The following PHF14 variants were observed in gnomAD, a reference collection of about 807,000 sequenced individuals.
PHF14 encodes the protein PHD finger protein 14.
In PHF14, 55 loss-of-function variants were observed where a neutral mutation model predicts 117.9. The ratio of observed to expected loss-of-function variants is 0.47; its 90% CI spans 0.38 to 0.58. PHF14 has a LOEUF of 0.58. Among genes scored for constraint, PHF14 ranks in the 20% least tolerant of loss-of-function variants. PHF14 has a pLI of 0.00. For missense variants in PHF14, 978 were observed against 1,122.2 expected, an observed-to-expected ratio of 0.87 and a Z score of 1.84; for synonymous variants, 409 against 368.6, an observed-to-expected ratio of 1.11 and a Z score of -1.26.
At chr7:11,050,657 A>ATATG (rs1185166117) in intron 13 of PHF14, among the ~76,000 whole-genome samples, 6 of 152,182 alleles carry the variant, frequency 3.9e-5, no homozygotes, top group Non-Finnish European at 7.4e-5. Context: ...GACAGCACAG[A>ATATG]TATGTAGATA....
intron 16 of PHF14, chr7:11,106,515 C>T (rs1020596842): frequency 1.7e-5 from 16 of 954,564 alleles, no homozygotes; most frequent in South Asian, 4.8e-5. Flanking sequence ...AATGTTATTC[C>T]GTATTGGTAG....
intron 16 of PHF14, among the ~76,000 whole-genome samples, chr7:11,099,219 C>A (rs1049496823): frequency 6.6e-6 from 1 of 152,052 alleles, no homozygotes; most frequent in East Asian, 1.9e-4. Context: ...GAATGGCTAA[C>A]CTGTCTAACA....
intron 16 of PHF14, among the ~76,000 whole-genome samples, chr7:11,070,086 T>C (rs1785563070): frequency 6.6e-6 from 1 of 152,224 alleles, no homozygotes; most frequent in African/African-American, 2.4e-5. Flanking sequence ...CTTCCTTTCA[T>C]CTTGTGTCAT....
At chr7:11,090,749 T>C (rs1405357226) in intron 16 of PHF14, among the ~76,000 whole-genome samples, 1 of 152,240 alleles carries the variant, frequency 6.6e-6, no homozygotes, top group Non-Finnish European at 1.5e-5. Context: ...CACTTATTTA[T>C]ACATTAGATT....
chr7:11,034,649 A>G (rs1784251719), intron 7 of PHF14, among the ~76,000 whole-genome samples: 2 of 143,820 alleles, frequency 1.4e-5, no homozygotes, highest in Non-Finnish European at 3.0e-5. Context: ...CCTGTATTCA[A>G]GCAATTCTCC....
chr7:11,141,190 T>C (rs1421177926), intron 17 of PHF14, among the ~76,000 whole-genome samples: 1 of 152,136 alleles, frequency 6.6e-6, no homozygotes, highest in African/African-American at 2.4e-5. Flanking sequence ...GTATTTCTCA[T>C]TCATTTAGCA....
chr7:11,050,341 A>G (rs1029555045), intron 13 of PHF14, among the ~76,000 whole-genome samples: 1 of 152,212 alleles, frequency 6.6e-6, no homozygotes, highest in Non-Finnish European at 1.5e-5. Context: ...AATCATTTTT[A>G]TTAAGAGAAT....
chr7:10,983,007 G>A lies in PHF14; in HGVS notation c.748G>A (p.Glu250Lys), dbSNP rs1446533773. 8 of 1,583,238 alleles carry A rather than the reference G, an allele frequency of 5.1e-6. No individual in the cohort carries two copies. Residue 250 changes from glutamate (E) to lysine (K), a missense_variant, in exon 3 of 18, where the codon GAG becomes AAG. By Grantham distance (56) the Glu-to-Lys change is moderately conservative. This residue lies in a region of PHF14 where 414 missense variants were observed against 376.4 expected (regional missense o/e 1.10). Coordinates refer to ENST00000634607, the MANE Select transcript of PHF14 (RefSeq NM_001007157.2). ...EDEGSGSDED[E>K]NDEGNDEDHS... The stretch of plus-strand genomic sequence containing the variant: ...TGAGGGAAGCGGGAGTGATGAAGAC[G>A]AGAATGATGAAGGCAATGATGAAGA...
chr7:11,079,176 C>G (rs1040362357), intron 16 of PHF14, among the ~76,000 whole-genome samples: 15 of 152,128 alleles, frequency 9.9e-5, no homozygotes, highest in Non-Finnish European at 2.9e-5. Flanking sequence ...TGTGCCCTTT[C>G]AAAAGGAGCT....
At chr7:11,010,598 A>G (rs1458396478) in intron 4 of PHF14, among the ~76,000 whole-genome samples, 2 of 152,182 alleles carry the variant, frequency 1.3e-5, no homozygotes, top group South Asian at 2.1e-4. Flanking sequence ...TATATTTAGC[A>G]TAACTATTAA....
intron 16 of PHF14, among the ~76,000 whole-genome samples, chr7:11,089,628 T>C (rs1361827096): frequency 1.3e-5 from 2 of 152,198 alleles, no homozygotes; most frequent in Admixed American, 6.5e-5. Flanking sequence ...ATTCTTCAAA[T>C]ACTCAGGCAA....
At position 10,990,827 on chromosome 7, in the gene PHF14, G is replaced by T; in HGVS notation, c.1025G>T (p.Cys342Phe). Residue 342 changes from cysteine to phenylalanine, a missense_variant, in exon 4 of 18, where the codon TGT becomes TTT. Around this residue, in one of 7 missense-constraint regions of PHF14, gnomAD observed 86 missense variants for 137.8 expected, o/e 0.62. Coordinates refer to ENST00000634607, the MANE Select transcript of PHF14 (RefSeq NM_001007157.2). ...DADEIIQCDN[C>F]GITVHEGCYG... The stretch of plus-strand genomic sequence containing the variant: ...GATGAAATAATTCAGTGTGACAATT[G>T]TGGCATTACAGTCCATGAAGGTAAT... 6.3e-7 allele frequency: 1 copy of T among 1,590,098 alleles called. No homozygotes were observed. Among genetic ancestry groups the T allele is most frequent in the Non-Finnish European group, 8.6e-7 (1 of 1,166,638 alleles).
At chr7:11,092,496 A>G (rs1024843077) in intron 16 of PHF14, among the ~76,000 whole-genome samples, 3 of 152,170 alleles carry the variant, frequency 2.0e-5, no homozygotes, top group Non-Finnish European at 4.4e-5. Context: ...CAAAAATATC[A>G]CCTATAGAAG....
intron 14 of PHF14, among the ~76,000 whole-genome samples, chr7:11,056,746 AT>A (rs1429780801): frequency 1.3e-5 from 2 of 149,226 alleles, no homozygotes; most frequent in South Asian, 2.1e-4. Context: ...TAGAAATTAT[AT>A]TTTTATTATA....
chr7:11,062,285 G>A (rs1452661349), intron 16 of PHF14, 200 bp downstream of exon 16: 8 of 385,048 alleles, frequency 2.1e-5, no homozygotes, highest in Non-Finnish European at 3.2e-5. Context: ...ATGTAAATAA[G>A]AGTGATAATC....
intron 17 of PHF14, among the ~76,000 whole-genome samples, chr7:11,164,594 G>T (rs1290333137): frequency 6.6e-6 from 1 of 152,036 alleles, no homozygotes; most frequent in Admixed American, 6.5e-5. Context: ...CTTTCATTAG[G>T]TAGCCATTTT....
intron 3 of PHF14, among the ~76,000 whole-genome samples, chr7:10,986,989 T>C (rs1012524822): frequency 2.6e-5 from 4 of 152,222 alleles, no homozygotes; most frequent in Admixed American, 2.6e-4. Context: ...GAATTTTTTT[T>C]CCATAAAAGT....
intron 17 of PHF14, among the ~76,000 whole-genome samples, chr7:11,161,987 C>A (rs1036656983): frequency 4.7e-5 from 7 of 149,452 alleles, no homozygotes; most frequent in African/African-American, 1.5e-4. Flanking sequence ...CAAACATACT[C>A]ACCATAAAAG....
chr7:11,092,607 A>C (rs1237578393), intron 16 of PHF14, among the ~76,000 whole-genome samples: 1 of 152,208 alleles, frequency 6.6e-6, no homozygotes, highest in Non-Finnish European at 1.5e-5. Flanking sequence ...GTTTAAGTTT[A>C]AGAAGTTTAA....
Sources: allele counts gnomAD v4.1 joint callset (sites outside exome capture counted in the v4.1 genomes callset), GRCh38; gene constraint gnomAD v4.1.1; regional missense constraint gnomAD v4.1.1; transcripts MANE v1.5; gene names NCBI Gene and HGNC (gene_info 2026-07-23, HGNC 2026-07-21).